TASP1: variants seen among roughly 807,000 people sequenced by gnomAD.
The protein encoded by TASP1 is taspase 1.
In TASP1, 16 loss-of-function variants were observed where a neutral mutation model predicts 56.6. That is an observed-to-expected ratio of 0.28 (90% CI 0.19 to 0.43). The LOEUF (loss-of-function observed/expected upper bound fraction) is 0.43, where lower values mean the gene tolerates loss of function less well. TASP1 is among the 20% of genes least tolerant of loss of function. The pLI, the probability that TASP1 is intolerant of heterozygous loss-of-function variation, is 1.00. For missense variants in TASP1, 393 were observed against 511.6 expected (o/e 0.77, Z 2.24); for synonymous variants, 179 against 184.2 (o/e 0.97, Z 0.23).
At chr20:13,527,889 A>G (rs2045046876) in intron 10 of TASP1, among the ~76,000 whole-genome samples, 1 of 152,054 alleles carries the variant, frequency 6.6e-6, no homozygotes, top group Non-Finnish European at 1.5e-5. Context: ...TAGATCTATA[A>G]AAATATAATT....
intron 8 of TASP1, among the ~76,000 whole-genome samples, chr20:13,538,676 A>G (rs1270733557): frequency 6.6e-6 from 1 of 152,176 alleles, no homozygotes; most frequent in Non-Finnish European, 1.5e-5. Context: ...CTAGCTCTAT[A>G]TCTCTCACAA....
At chr20:13,452,429 T>C (rs930442125) in intron 11 of TASP1, among the ~76,000 whole-genome samples, 1 of 125,108 alleles carries the variant, frequency 8.0e-6, no homozygotes, top group Non-Finnish European at 1.6e-5. Context: ...AAAAAAAAAA[T>C]TCCTGAAAAA....
chr20:13,439,134 G>A (rs561256774), intron 11 of TASP1, among the ~76,000 whole-genome samples: 1 of 152,298 alleles, frequency 6.6e-6, no homozygotes, highest in African/African-American at 2.4e-5. Context: ...AACACCATTT[G>A]ACCCAGCCAG....
At chr20:13,495,095 C>A (rs1211632238) in intron 10 of TASP1, among the ~76,000 whole-genome samples, 1 of 152,056 alleles carries the variant, frequency 6.6e-6, no homozygotes. Flanking sequence ...AGTTATACTA[C>A]ACCATAAATC....
At chr20:13,448,907 T>C in intron 11 of TASP1, among the ~76,000 whole-genome samples, 1 of 152,006 alleles carries the variant, frequency 6.6e-6, no homozygotes, top group Non-Finnish European at 1.5e-5. Flanking sequence ...AAACCCTTAG[T>C]TCTAAGAGGG....
the TASP1 span, among the ~76,000 whole-genome samples, chr20:13,314,323 G>A: frequency 6.6e-6 from 1 of 151,638 alleles, no homozygotes; most frequent in Non-Finnish European, 1.5e-5. Context: ...CCTACACCTA[G>A]GCATATGATT....
At chr20:13,389,055 G>A (rs1006881214), downstream of TASP1, among the ~76,000 whole-genome samples, 1 of 152,058 alleles carries the variant, frequency 6.6e-6, no homozygotes, top group Non-Finnish European at 1.5e-5. Flanking sequence ...AAATCAAAAG[G>A]AAAATCTTGG....
At chr20:13,581,724 T>A (rs2047132839) in intron 5 of TASP1, among the ~76,000 whole-genome samples, 1 of 152,182 alleles carries the variant, frequency 6.6e-6, no homozygotes, top group Non-Finnish European at 1.5e-5. Context: ...ACAATGATGA[T>A]GATGGTGGAA....
chr20:13,374,964 C>T, the TASP1 span, among the ~76,000 whole-genome samples: 1 of 152,036 alleles, frequency 6.6e-6, no homozygotes, highest in Non-Finnish European at 1.5e-5. Context: ...TTATACCCAG[C>T]AATTAGGCTC....
intron 8 of TASP1, among the ~76,000 whole-genome samples, chr20:13,547,359 G>C (rs1243235812): frequency 6.6e-6 from 1 of 152,196 alleles, no homozygotes; most frequent in East Asian, 1.9e-4. Flanking sequence ...AGGAAGCAAA[G>C]AAGTAGTTAA....
At chr20:13,534,459 A>C (rs1282970829) in intron 8 of TASP1, among the ~76,000 whole-genome samples, 1 of 152,170 alleles carries the variant, frequency 6.6e-6, no homozygotes, top group Non-Finnish European at 1.5e-5. Context: ...GTATCTCTTC[A>C]TTCTCAAGAA....
intron 5 of TASP1, among the ~76,000 whole-genome samples, chr20:13,582,493 T>C (rs2047162590): frequency 6.6e-6 from 1 of 152,140 alleles, no homozygotes; most frequent in African/African-American, 2.4e-5. Context: ...AGAAGCTGAC[T>C]CTTAATCAGA....
the TASP1 span, among the ~76,000 whole-genome samples, chr20:13,347,811 C>T: frequency 6.7e-6 from 1 of 150,326 alleles, no homozygotes; most frequent in African/African-American, 2.5e-5. Context: ...CATTGCACTC[C>T]AGCCTGGGCG....
chr20:13,323,008 G>A, the TASP1 span, among the ~76,000 whole-genome samples: 1 of 152,044 alleles, frequency 6.6e-6, no homozygotes, highest in Non-Finnish European at 1.5e-5. Context: ...GGCAGAAAAC[G>A]CCACAGTCCT....
At chr20:13,307,061 C>A in the TASP1 span, among the ~76,000 whole-genome samples, 9 of 152,262 alleles carry the variant, frequency 5.9e-5, no homozygotes, top group African/African-American at 1.9e-4. Flanking sequence ...TGATCCAGTG[C>A]CAGAAAGATA....
At chr20:13,217,844 G>C in the TASP1 span, among the ~76,000 whole-genome samples, 3 of 152,312 alleles carry the variant, frequency 2.0e-5, no homozygotes, top group East Asian at 5.8e-4. Context: ...TATGAACAAA[G>C]TTTTATCTCA....
At chr20:13,566,917 C>A (rs1246887401) in intron 7 of TASP1, among the ~76,000 whole-genome samples, 1 of 152,110 alleles carries the variant, frequency 6.6e-6, no homozygotes, top group Admixed American at 6.5e-5. Context: ...CTAGCAACCC[C>A]GTTACTGAGT....
chr20:13,359,607 G>A, the TASP1 span, among the ~76,000 whole-genome samples: 1 of 151,112 alleles, frequency 6.6e-6, no homozygotes, highest in Non-Finnish European at 1.5e-5. Context: ...ACTGTTGTGG[G>A]TATTGACGGC....
the TASP1 span, among the ~76,000 whole-genome samples, chr20:13,310,473 T>A: frequency 6.8e-6 from 1 of 148,076 alleles, no homozygotes; most frequent in Non-Finnish European, 1.5e-5. Flanking sequence ...GTAAAACAAC[T>A]GGAAGGAAAC....
Sources: allele counts gnomAD v4.1 joint callset (sites outside exome capture counted in the v4.1 genomes callset), GRCh38; gene constraint gnomAD v4.1.1; transcripts MANE v1.5; gene names NCBI Gene and HGNC (gene_info 2026-07-23, HGNC 2026-07-21).